The following DTNA variants were observed in gnomAD, a reference collection of about 807,000 sequenced individuals.
The protein encoded by DTNA is dystrophin-related protein 3.
In DTNA, 43 loss-of-function variants were observed where a neutral mutation model predicts 100.7. That is an observed-to-expected ratio of 0.43 (90% CI 0.33 to 0.55). The LOEUF (loss-of-function observed/expected upper bound fraction) is 0.55. DTNA is among the 20% of genes least tolerant of loss of function. DTNA has a pLI of 0.04. For missense variants in DTNA, 798 were observed against 953.9 expected (o/e 0.84, Z 2.15); for synonymous variants, 349 against 347.9 (o/e 1.00, Z -0.04).
intron 3 of DTNA, among the ~76,000 whole-genome samples, chr18:34,782,422 T>C (rs2094360378): frequency 1.3e-5 from 2 of 152,184 alleles, no homozygotes; most frequent in Non-Finnish European, 2.9e-5. Context: ...TGGAATGATA[T>C]AAAACATTCA....
chr18:34,682,981 G>C (rs527654096), intron 1 of DTNA, among the ~76,000 whole-genome samples: 1 of 151,926 alleles, frequency 6.6e-6, no homozygotes, highest in Non-Finnish European at 1.5e-5. Flanking sequence ...TAAATTTTCA[G>C]GTATATCCCA....
intron 17 of DTNA, chr18:34,868,585 G>T: frequency 1.0e-6 from 1 of 985,388 alleles, no homozygotes; most frequent in Non-Finnish European, 1.2e-6. Flanking sequence ...ACAACAAATT[G>T]TGCTGGATTT....
chr18:34,803,765 T>C (rs1460804260), intron 4 of DTNA, among the ~76,000 whole-genome samples: 3 of 152,210 alleles, frequency 2.0e-5, no homozygotes, highest in Non-Finnish European at 2.9e-5. Context: ...TGCTTTTGAA[T>C]AGGCTGGTTT....
intron 15 of DTNA, among the ~76,000 whole-genome samples, chr18:34,853,840 A>G (rs1219260901): frequency 1.3e-5 from 2 of 152,196 alleles, no homozygotes; most frequent in African/African-American, 2.4e-5. Flanking sequence ...TACCTATTCT[A>G]TTTTATGTAT....
At chr18:34,541,522 T>C (rs1026595857) in intron 1 of DTNA, among the ~76,000 whole-genome samples, 1 of 152,052 alleles carries the variant, frequency 6.6e-6, no homozygotes, top group African/African-American at 2.4e-5. Context: ...ACAAGCTCTC[T>C]TGCCTGCCAC....
intron 1 of DTNA, among the ~76,000 whole-genome samples, chr18:34,695,582 A>G (rs1353800145): frequency 6.6e-6 from 1 of 152,202 alleles, no homozygotes; most frequent in Non-Finnish European, 1.5e-5. Context: ...GGGTCACCCA[A>G]GCCTTAATTC....
At chr18:34,700,569 C>T (rs1249986139) in intron 1 of DTNA, among the ~76,000 whole-genome samples, 1 of 152,184 alleles carries the variant, frequency 6.6e-6, no homozygotes, top group Non-Finnish European at 1.5e-5. Flanking sequence ...CCATCACATT[C>T]ACCAGGCATT....
chr18:34,837,463 A>G (rs1286004846), intron 11 of DTNA, among the ~76,000 whole-genome samples: 2 of 152,230 alleles, frequency 1.3e-5, no homozygotes, highest in Non-Finnish European at 1.5e-5. Flanking sequence ...ATGAATCCAT[A>G]ATGTTAAGAA....
intron 1 of DTNA, among the ~76,000 whole-genome samples, chr18:34,624,652 G>A (rs1224887987): frequency 1.3e-5 from 2 of 152,178 alleles, no homozygotes; most frequent in South Asian, 2.1e-4. Context: ...AACTTAATTA[G>A]CAAGTGCTGT....
chr18:34,857,363 C>T (rs765816551), intron 15 of DTNA, among the ~76,000 whole-genome samples: 2 of 152,316 alleles, frequency 1.3e-5, no homozygotes, highest in Admixed American at 6.5e-5. Context: ...ACCTTCCATT[C>T]GCAGTGCTTT....
chr18:34,861,066 GA>G lies in DTNA; in HGVS notation c.1646+2675del, dbSNP rs576767961. Among the ~76,000 whole-genome samples, 1,207 of 152,078 alleles carry G rather than the reference GA, an allele frequency of 7.9e-3. 7 individuals are homozygous for G. Among genetic ancestry groups the G allele is most frequent in the Non-Finnish European group, 0.014 (935 of 67,988 alleles). On this transcript the variant is annotated intron_variant, in intron 16 of 22. Coordinates refer to ENST00000444659, the MANE Select transcript of DTNA (RefSeq NM_001386795.1). ...TGTAATTTATGTATATATTTCCTAA[GA>G]AAAAAATTATCTTGTATAACCATGA...
chr18:34,744,379 C>T (rs1254250805), intron 1 of DTNA, among the ~76,000 whole-genome samples: 1 of 152,160 alleles, frequency 6.6e-6, no homozygotes, highest in African/African-American at 2.4e-5. Flanking sequence ...TGGATTCACA[C>T]ATCATGGATA....
intron 17 of DTNA, among the ~76,000 whole-genome samples, chr18:34,870,186 C>T (rs192811403): frequency 6.6e-6 from 1 of 151,250 alleles, no homozygotes; most frequent in East Asian, 1.9e-4. Flanking sequence ...TTAAGTAATA[C>T]AATTGTTCTA....
At position 34,879,670 on chromosome 18, in the gene DTNA, C is replaced by G; in HGVS notation, c.2113C>G (p.Pro705Ala). 6.2e-7 allele frequency: 1 copy of G among 1,614,086 alleles called. No homozygotes were observed. The highest frequency in any genetic ancestry group is 8.5e-7 in the Non-Finnish European group (1 of 1,179,998). Residue 705 changes from proline to alanine, a missense_variant, in exon 20 of 23, where the codon CCT becomes GCT. By Grantham distance (27) the Pro-to-Ala change is conservative (BLOSUM62 -1). This residue lies in a region of DTNA where 242 missense variants were observed against 238.2 expected (regional missense o/e 1.02). Coordinates refer to ENST00000444659, the MANE Select transcript of DTNA (RefSeq NM_001386795.1). Reference sequence around the variant, plus strand: ...TCTAGCGCAAATCCATGCCCGAAAACCTGGGTACATTCACAGTGGAGCTAC... The same window carrying G: ...TCTAGCGCAAATCCATGCCCGAAAAGCTGGGTACATTCACAGTGGAGCTAC... The part of the protein sequence containing the change: ...AFLAQIHARK[P>A]GYIHSGATTS...
intron 1 of DTNA, among the ~76,000 whole-genome samples, chr18:34,699,730 AGGG>A (rs1188401059): frequency 6.6e-6 from 1 of 152,192 alleles, no homozygotes; most frequent in Non-Finnish European, 1.5e-5. Flanking sequence ...AGCAAAGAAA[AGGG>A]GGAGAATGGT....
At chr18:34,631,009 A>G (rs1417763684) in intron 1 of DTNA, among the ~76,000 whole-genome samples, 1 of 152,188 alleles carries the variant, frequency 6.6e-6, no homozygotes, top group Non-Finnish European at 1.5e-5. Context: ...GCTAGGAGAC[A>G]CAGAGTCAAT....
At chr18:34,505,530 A>G (rs941854936) in intron 1 of DTNA, among the ~76,000 whole-genome samples, 12 of 151,676 alleles carry the variant, frequency 7.9e-5, no homozygotes, top group African/African-American at 2.9e-4. Context: ...TTATTCTCTA[A>G]TCTGTTTTCT....
chr18:34,867,871 C>T, intron 17 of DTNA: 11 of 985,442 alleles, frequency 1.1e-5, no homozygotes, highest in Non-Finnish European at 1.3e-5. Context: ...GGGCCAACAG[C>T]GGGTACTGCG....
chr18:34,801,850 C>T (rs1159149711), intron 4 of DTNA, among the ~76,000 whole-genome samples: 1 of 152,178 alleles, frequency 6.6e-6, no homozygotes, highest in Non-Finnish European at 1.5e-5. Context: ...AATATTAATT[C>T]TTTAAGCTTT....
Sources: gnomAD v4.1 joint callset for allele counts (sites outside exome capture counted in the v4.1 genomes callset) on GRCh38, gnomAD v4.1.1 for gene constraint, gnomAD v4.1.1 regional missense constraint, MANE v1.5 for transcripts, NCBI Gene and HGNC (gene_info 2026-07-23, HGNC 2026-07-21) for gene names.